Variants in JAKMIP1 observed in about 807,000 individuals in gnomAD.
JAKMIP1 encodes the protein janus kinase and microtubule-interacting protein 1.
In JAKMIP1, 33 loss-of-function variants were observed where a neutral mutation model predicts 113.0. The observed-to-expected ratio is 0.29, with a 90% CI of 0.22 to 0.39. JAKMIP1 has a LOEUF of 0.39. Ranked by LOEUF, JAKMIP1 falls within the 10% of genes least tolerant of loss-of-function variation. The pLI, the probability that JAKMIP1 is intolerant of heterozygous loss-of-function variation, is 1.00. For synonymous variants in JAKMIP1, 480 were observed against 459.9 expected, an observed-to-expected ratio of 1.04 and a Z score of -0.56; for missense variants, 813 against 1,080.5, an observed-to-expected ratio of 0.75 and a Z score of 3.47.
intron 1 of JAKMIP1, among the ~76,000 whole-genome samples, chr4:6,127,890 A>C (rs1717940119): frequency 6.6e-6 from 1 of 152,180 alleles, no homozygotes; most frequent in South Asian, 2.1e-4. Flanking sequence ...TCCTCCGGGC[A>C]CTCGGAAGCC....
chr4:6,066,469 G>A (rs1379657996), intron 8 of JAKMIP1, among the ~76,000 whole-genome samples: 1 of 152,030 alleles, frequency 6.6e-6, no homozygotes, highest in African/African-American at 2.4e-5. Flanking sequence ...ATATGCATGG[G>A]GAATACGACT....
Position 6,139,711 on chromosome 4 carries a change from A to G in JAKMIP1, c.-147-26714T>C, listed in dbSNP as rs184113729. ...AACCCAGGAGGCGGAGGTTGCAGTGAGCCAAGACCATGCCACTGTGCTCCA... is the reference window on the plus strand; with the variant it reads ...AACCCAGGAGGCGGAGGTTGCAGTGGGCCAAGACCATGCCACTGTGCTCCA... On this transcript the variant is annotated intron_variant, in intron 1 of 20. Coordinates refer to ENST00000409021, the MANE Select transcript of JAKMIP1 (RefSeq NM_001099433.2). This position sits in a 1 kb window ranked among gnomAD's most constrained non-coding sequence, Gnocchi z 5.2. 2.3e-4 allele frequency among the ~76,000 whole-genome samples: 35 copies of G among 152,236 alleles called. No homozygotes were observed. Among genetic ancestry groups the G allele is most frequent in the African/African-American group, 8.4e-4 (35 of 41,476 alleles).
At chr4:6,171,812 T>C in intron 1 of JAKMIP1, among the ~76,000 whole-genome samples, 1 of 152,228 alleles carries the variant, frequency 6.6e-6, no homozygotes, top group East Asian at 1.9e-4. Context: ...GCTGAATGTG[T>C]TGACAATCCC....
At position 6,097,462 on chromosome 4, in the gene JAKMIP1, G is replaced by A. The variant is rs1712002222; in HGVS notation, c.624+8011C>T. On this transcript the variant is annotated intron_variant, in intron 3 of 20. Coordinates refer to ENST00000409021, the MANE Select transcript of JAKMIP1 (RefSeq NM_001099433.2). This position sits in a 1 kb window ranked among gnomAD's most constrained non-coding sequence, Gnocchi z 4.3. The stretch of plus-strand genomic sequence containing the variant: ...CTCTATCACAGCTGATGGGGGCTAG[G>A]GGGATCTTTTTTCCCCTTGGGTATG... Among the ~76,000 whole-genome samples the A allele has an allele frequency of 6.6e-6, 1 of 152,188 alleles. No homozygotes were observed. Among genetic ancestry groups the A allele is most frequent in the Non-Finnish European group, 1.5e-5 (1 of 68,036 alleles).
rs192741729 is a variant in JAKMIP1 at position 6,167,076 on chromosome 4, G to A, written c.-148+33177C>T. On this transcript the variant is annotated intron_variant, in intron 1 of 20. Coordinates refer to ENST00000409021, the MANE Select transcript of JAKMIP1 (RefSeq NM_001099433.2). The surrounding 1 kb of genome is among the most constrained non-coding windows in gnomAD (Gnocchi z 5.3). ...AAGTACTTGGAACAGTGCCTGGTGC[G>A]TAGGGGGTACTCAGGGTGGGCTGCT... 7.6e-4 allele frequency among the ~76,000 whole-genome samples: 116 copies of A among 152,196 alleles called. No homozygotes were observed. Among genetic ancestry groups the A allele is most frequent in the African/African-American group, 2.3e-3 (96 of 41,516 alleles).
At chr4:6,152,350 G>A (rs1721669005) in intron 1 of JAKMIP1, among the ~76,000 whole-genome samples, 1 of 152,148 alleles carries the variant, frequency 6.6e-6, no homozygotes, top group East Asian at 1.9e-4. Flanking sequence ...GGTGGAGGCT[G>A]CATTACCTAA....
chr4:6,038,291 T>A (rs57397188), intron 18 of JAKMIP1, among the ~76,000 whole-genome samples: 1 of 114,040 alleles, frequency 8.8e-6, no homozygotes, highest in Non-Finnish European at 1.7e-5. Context: ...CTAACCGGTA[T>A]CCCTCCATCA....
At chr4:6,098,592 A>AAAG (rs1712303291) in intron 3 of JAKMIP1, among the ~76,000 whole-genome samples, 4 of 144,322 alleles carry the variant, frequency 2.8e-5, no homozygotes, top group South Asian at 4.6e-4. Flanking sequence ...GAAGGAAAGG[A>AAAG]AGAAAGAAAG....
chr4:6,126,846 T>C lies in JAKMIP1; in HGVS notation c.-147-13849A>G, dbSNP rs566423286. ...ACAACCCATGCACCACACACAGACA[T>C]TACATATGCATCATACAGAAACCCA... is the stretch of plus-strand genomic sequence containing the variant. On this transcript the variant is annotated intron_variant, in intron 1 of 20. Coordinates refer to ENST00000409021, the MANE Select transcript of JAKMIP1 (RefSeq NM_001099433.2). 2.7e-5 allele frequency among the ~76,000 whole-genome samples: 4 copies of C among 149,980 alleles called. No individual in the cohort carries two copies. The East Asian group carries it at 8.0e-4, about 30-fold the overall frequency.
intron 1 of JAKMIP1, among the ~76,000 whole-genome samples, chr4:6,166,390 T>C (rs1380432858): frequency 1.3e-5 from 2 of 152,162 alleles, no homozygotes; most frequent in Non-Finnish European, 2.9e-5. Context: ...GGCCACTTCC[T>C]GGAAAGGCAA....
chr4:6,133,248 T>C (rs1246859983), intron 1 of JAKMIP1, among the ~76,000 whole-genome samples: 1 of 152,206 alleles, frequency 6.6e-6, no homozygotes, highest in Non-Finnish European at 1.5e-5. Context: ...AGACCTCCGC[T>C]CCTGCTCAGT....
intron 19 of JAKMIP1, among the ~76,000 whole-genome samples, chr4:6,033,556 T>A (rs1211567656): frequency 6.6e-6 from 1 of 152,222 alleles, no homozygotes; most frequent in Non-Finnish European, 1.5e-5. Context: ...AAGTTGTGTG[T>A]GTTGATTGTA....
chr4:6,112,624 C>T, intron 2 of JAKMIP1, 98 bp downstream of exon 2: 1 of 1,447,514 alleles, frequency 6.9e-7, no homozygotes, highest in Non-Finnish European at 9.4e-7. Context: ...CCTCGGCCCC[C>T]CTCCTGGAAC....
intron 1 of JAKMIP1, among the ~76,000 whole-genome samples, chr4:6,169,436 C>A (rs1324100905): frequency 6.6e-6 from 1 of 152,098 alleles, no homozygotes; most frequent in Non-Finnish European, 1.5e-5. Context: ...CAGCCGCCAC[C>A]ACTAGGGGTT....
chr4:6,173,932 T>A (rs7655117), intron 1 of JAKMIP1, among the ~76,000 whole-genome samples: 99,083 of 150,528 alleles, frequency 0.66, 32,760 homozygotes, highest in East Asian at 0.77. Context: ...AAAAAAAAAA[T>A]TTAGCCAGGA....
intron 2 of JAKMIP1, among the ~76,000 whole-genome samples, chr4:6,107,837 C>A (rs1355382065): frequency 6.6e-6 from 1 of 152,130 alleles, no homozygotes; most frequent in Non-Finnish European, 1.5e-5. Context: ...GCTCCAGTTT[C>A]CTCTACTAGG....
At chr4:6,085,271 A>G in intron 4 of JAKMIP1, 149 bp downstream of exon 4, 2 of 797,956 alleles carry the variant, frequency 2.5e-6, no homozygotes, top group East Asian at 2.7e-5. Context: ...CGTCCAGCAC[A>G]AAGAACTTAT....
At chr4:6,091,368 C>A (rs1193835483) in intron 3 of JAKMIP1, among the ~76,000 whole-genome samples, 1 of 152,190 alleles carries the variant, frequency 6.6e-6, no homozygotes. Context: ...ATTTTTTCCC[C>A]CATTTTACTT....
intron 1 of JAKMIP1, among the ~76,000 whole-genome samples, chr4:6,160,941 C>A (rs985096493): frequency 6.8e-6 from 1 of 147,540 alleles, no homozygotes; most frequent in African/African-American, 2.6e-5. Context: ...CCGATCTCCA[C>A]TTATCTCCCC....
Sources: gnomAD v4.1 joint callset for allele counts (sites outside exome capture counted in the v4.1 genomes callset) on GRCh38, gnomAD v4.1.1 for gene constraint, Gnocchi (gnomAD v3.1) non-coding constraint, MANE v1.5 for transcripts, NCBI Gene and HGNC (gene_info 2026-07-23, HGNC 2026-07-21) for gene names.